Variants in SEMA3A observed in about 807,000 individuals in gnomAD.
SEMA3A encodes the protein semaphorin-3A.
A neutral mutation model predicts 97.9 loss-of-function variants in SEMA3A; 29 were observed. The ratio of observed to expected loss-of-function variants is 0.30; its 90% CI spans 0.22 to 0.40. The LOEUF (loss-of-function observed/expected upper bound fraction) is 0.40, where lower values mean the gene tolerates loss of function less well. Among genes scored for constraint, SEMA3A ranks in the 10% least tolerant of loss-of-function variants. SEMA3A has a pLI of 1.00. For synonymous variants in SEMA3A, 321 were observed against 323.7 expected (o/e 0.99, Z 0.09); for missense variants, 763 against 951.3 (o/e 0.80, Z 2.60).
Position 84,011,271 on chromosome 7 carries a change from C to T in SEMA3A, c.837G>A (p.Leu279=), listed in dbSNP as rs1415537137. The change falls in exon 8 of 17, where the codon CTG becomes CTA. Residue 279 remains leucine, a synonymous_variant. Transcript: ENST00000265362. ...CKNDFGGHRS[L]VNKWTTFLKA... ...TGAGGAATGTTGTCCATTTATTCAC[C>T]AGACTTCTGTGCCCTCCAAAGTCAT... 6.2e-7 allele frequency: 1 copy of T among 1,613,822 alleles called. No individual in the cohort carries two copies. The highest frequency in any genetic ancestry group is 1.7e-5 in the Admixed American group (1 of 59,998).
At chr7:84,386,994 C>T (rs150609796) in intron 1 of SEMA3A, among the ~76,000 whole-genome samples, 8 of 136,962 alleles carry the variant, frequency 5.8e-5, no homozygotes, top group African/African-American at 8.8e-5. Context: ...AGCAATGCTC[C>T]GTCTCAAAAA....
In SEMA3A at chr7:84,463,394, A is replaced by G. The variant is rs919689239; in HGVS notation, c.-246+29066T>C. Among the ~76,000 whole-genome samples the G allele has an allele frequency of 1.2e-3, 175 of 151,152 alleles. 1 individual carries two copies. Among genetic ancestry groups the G allele is most frequent in the Middle Eastern group, 3.4e-3 (1 of 294 alleles). The stretch of plus-strand genomic sequence containing the variant: ...CTCCCGAGTAGCTGGGACTACAGGC[A>G]CCTGCCACCACGCCCGGCTAATTTT... On this transcript the variant is annotated intron_variant, in intron 1 of 3. Coordinates refer to the SEMA3A transcript ENST00000424555.
intron 1 of SEMA3A, among the ~76,000 whole-genome samples, chr7:84,479,892 C>T (rs1051572121): frequency 1.3e-5 from 2 of 152,010 alleles, no homozygotes; most frequent in South Asian, 2.1e-4. Context: ...AAAGCAGCAG[C>T]GACAACAACA....
chr7:84,077,082 T>G (rs1023848164), intron 4 of SEMA3A, among the ~76,000 whole-genome samples: 2 of 152,104 alleles, frequency 1.3e-5, no homozygotes, highest in Non-Finnish European at 2.9e-5. Context: ...TGTATAACAA[T>G]GAAAGGGAAA....
intron 2 of SEMA3A, among the ~76,000 whole-genome samples, chr7:84,341,801 C>G (rs1233074825): frequency 6.6e-6 from 1 of 152,056 alleles, no homozygotes; most frequent in Non-Finnish European, 1.5e-5. Flanking sequence ...TAGCTACATA[C>G]CCCAGGATGT....
intron 1 of SEMA3A, among the ~76,000 whole-genome samples, chr7:84,430,448 G>T (rs761272221): frequency 6.6e-6 from 1 of 151,882 alleles, no homozygotes; most frequent in Non-Finnish European, 1.5e-5. Flanking sequence ...GACAAACATG[G>T]TTGTTAAAGA....
chr7:84,370,428 C>T (rs1293552096), intron 2 of SEMA3A, among the ~76,000 whole-genome samples: 1 of 151,538 alleles, frequency 6.6e-6, no homozygotes, highest in South Asian at 2.1e-4. Context: ...GTTTAGCAGA[C>T]ACCTCTTAAG....
intron 2 of SEMA3A, among the ~76,000 whole-genome samples, chr7:84,324,858 T>C (rs866227237): frequency 6.6e-6 from 1 of 152,122 alleles, no homozygotes; most frequent in Non-Finnish European, 1.5e-5. Flanking sequence ...TCTTTCAACA[T>C]TCAACAAATA....
At chr7:84,361,872 C>G (rs149545230) in intron 2 of SEMA3A, among the ~76,000 whole-genome samples, 8 of 151,860 alleles carry the variant, frequency 5.3e-5, no homozygotes, top group Non-Finnish European at 1.2e-4. Flanking sequence ...GTAAAGGATC[C>G]GAGAAGAGAG....
At chr7:84,153,992 T>C (rs2116136436) in intron 1 of SEMA3A, among the ~76,000 whole-genome samples, 1 of 152,190 alleles carries the variant, frequency 6.6e-6, no homozygotes, top group African/African-American at 2.4e-5. Flanking sequence ...AAGGGTTCCA[T>C]GAGAAAATGA....
chr7:83,963,379 A>C (rs1788553130), intron 15 of SEMA3A, 32 bp from the exon 16 acceptor site: 2 of 1,585,182 alleles, frequency 1.3e-6, no homozygotes, highest in Non-Finnish European at 1.7e-6. Flanking sequence ...CAATGAGAAA[A>C]TATTAGAGAA....
rs572907191 is a variant in SEMA3A, at chr7:84,016,458, A to C, written c.668-2107T>G. The stretch of plus-strand genomic sequence containing the variant: ...GAGGCTGAGGCAGGAGAATGGCATT[A>C]ACCCGGGAGGCGGAGCTTGCAGTGA... On this transcript the variant is annotated intron_variant, in intron 6 of 16. Transcript: ENST00000265362. Among the ~76,000 whole-genome samples, 15 of 151,982 alleles carry C rather than the reference A, an allele frequency of 9.9e-5. No homozygotes were observed. In the South Asian group the frequency reaches 3.1e-3, roughly 32 times the overall value.
intron 1 of SEMA3A, among the ~76,000 whole-genome samples, chr7:84,458,630 T>C (rs1214314242): frequency 6.6e-6 from 1 of 152,060 alleles, no homozygotes; most frequent in East Asian, 1.9e-4. Flanking sequence ...GGTTTGTTAC[T>C]AGAATCCTCC....
intron 6 of SEMA3A, among the ~76,000 whole-genome samples, chr7:84,036,636 T>A (rs1423029277): frequency 6.6e-6 from 1 of 152,008 alleles, no homozygotes; most frequent in African/African-American, 2.4e-5. Flanking sequence ...AAATCAAAAA[T>A]TTAAAAAGAA....
intron 4 of SEMA3A, among the ~76,000 whole-genome samples, chr7:84,076,426 G>C (rs1793951730): frequency 1.3e-5 from 2 of 152,112 alleles, no homozygotes; most frequent in Non-Finnish European, 2.9e-5. Context: ...TCCAGAAACA[G>C]TAGTTAGTGG....
At chr7:84,481,985 T>G (rs1806459103) in intron 1 of SEMA3A, among the ~76,000 whole-genome samples, 1 of 151,722 alleles carries the variant, frequency 6.6e-6, no homozygotes, top group African/African-American at 2.4e-5. Flanking sequence ...AGTACATATC[T>G]TTTTAAGAGT....
intron 1 of SEMA3A, among the ~76,000 whole-genome samples, chr7:84,487,076 T>C (rs72612657): frequency 0.046 from 6,929 of 152,258 alleles, 187 homozygotes; most frequent in East Asian, 0.092. Flanking sequence ...TAACTTCTAC[T>C]GTGAACATAT....
intron 2 of SEMA3A, among the ~76,000 whole-genome samples, chr7:84,346,734 A>G (rs1385746752): frequency 2.0e-5 from 3 of 152,218 alleles, no homozygotes; most frequent in Non-Finnish European, 4.4e-5. Flanking sequence ...CAAAACAACT[A>G]TAATAATAGG....
chr7:84,110,576 T>G lies in SEMA3A; in HGVS notation c.347A>C (p.Asn116Thr). The G allele has an allele frequency of 1.2e-6, 2 of 1,613,628 alleles. No homozygotes were observed. The highest frequency in any genetic ancestry group is 1.7e-6 in the Non-Finnish European group (2 of 1,179,736). ...ATATGCCTTAAGTACCTTGATGAAATTAGCACATTCTTTCTGTAAGACAAA... is the reference window on the plus strand; with the variant it reads ...ATATGCCTTAAGTACCTTGATGAAAGTAGCACATTCTTTCTGTAAGACAAA... ...AGKDILKECA[N>T]FIKVLKAYNQ... Residue 116 changes from asparagine (N) to threonine (T), a missense_variant, in exon 4 of 17, where the codon AAT becomes ACT. Coordinates refer to ENST00000265362, the MANE Select transcript of SEMA3A (RefSeq NM_006080.3).
Sources: allele counts gnomAD v4.1 joint callset (sites outside exome capture counted in the v4.1 genomes callset), GRCh38; gene constraint gnomAD v4.1.1; transcripts MANE v1.5; gene names NCBI Gene and HGNC (gene_info 2026-07-23, HGNC 2026-07-21).